UBAP1L: variants seen among roughly 807,000 people sequenced by gnomAD.
UBAP1L encodes the protein ubiquitin associated protein 1 like.
Under a neutral mutation model 32.1 loss-of-function variants are expected in UBAP1L, and 32 were observed. The ratio of observed to expected loss-of-function variants is 1.00; its 90% CI spans 0.75 to 1.34. The LOEUF (loss-of-function observed/expected upper bound fraction) is 1.34. UBAP1L is among the 40% of genes most tolerant of loss of function. UBAP1L has a pLI of 0.00. For missense variants in UBAP1L, 516 were observed against 540.5 expected (o/e 0.95, Z 0.45); for synonymous variants, 243 against 250.2 (o/e 0.97, Z 0.27).
intron 3 of UBAP1L, among the ~76,000 whole-genome samples, 160 bp downstream of exon 3, chr15:65,101,946 G>T (rs1332790944): frequency 6.6e-6 from 1 of 152,210 alleles, no homozygotes; most frequent in Admixed American, 6.5e-5. Flanking sequence ...TCAAAGGGCC[G>T]CAGGAGGACA....
chr15:65,114,132 C>A (rs957109562), intron 1 of UBAP1L, among the ~76,000 whole-genome samples: 1 of 151,802 alleles, frequency 6.6e-6, no homozygotes, highest in Admixed American at 6.6e-5. Flanking sequence ...GATCCACCTG[C>A]CTTGGGCTCG....
chr15:65,107,277 A>T (rs1247532198), intron 1 of UBAP1L, among the ~76,000 whole-genome samples: 1 of 151,598 alleles, frequency 6.6e-6, no homozygotes, highest in East Asian at 1.9e-4. Flanking sequence ...CACATCACAC[A>T]GTGGCCGAGA....
At chr15:65,093,273 G>T in intron 5 of UBAP1L, 42 bp from the exon 6 acceptor site, 1 of 1,498,584 alleles carries the variant, frequency 6.7e-7, no homozygotes, top group Admixed American at 2.4e-5. Flanking sequence ...GGCTCTGCTG[G>T]GCCTGGCCTC....
Position 65,102,764 on chromosome 15 carries a change from C to G in UBAP1L, c.121-80G>C. The G allele has an allele frequency of 5.3e-6, 7 of 1,325,734 alleles. No homozygotes were observed. The highest frequency in any genetic ancestry group is 7.1e-6 in the Non-Finnish European group (7 of 979,032). 82.1% of individuals were successfully genotyped at this position (1,325,734 alleles called of 1,614,324 possible). On this transcript the variant is annotated intron_variant, in intron 2 of 5. Transcript: ENST00000559089. The surrounding 1 kb of genome is among the most constrained non-coding windows in gnomAD (Gnocchi z 5.0). ...ACACTAACCCCTGGCCTGGGGGACCCTGTTCAGCCAGAGACTCTCTAAGCC... is the reference window on the plus strand; with the variant it reads ...ACACTAACCCCTGGCCTGGGGGACCGTGTTCAGCCAGAGACTCTCTAAGCC...
Position 65,099,544 on chromosome 15 carries a change from G to C in UBAP1L, c.870C>G (p.Ile290Met), listed in dbSNP as rs1057050336. ...GCCTCCCTGTCTTCTGCAGAGCTAT[G>C]ATGGCCCTTCGCAGGGGATATCCCA... is the stretch of plus-strand genomic sequence containing the variant. ...VALGYPLRRAIIALQKTGRQS... is the reference protein window; with the variant it reads ...VALGYPLRRAMIALQKTGRQS... The change falls in exon 4 of 6, where the codon ATC (isoleucine) becomes ATG (methionine). Residue 290 changes from isoleucine (I) to methionine (M), a missense_variant. Ile to Met is a conservative substitution (Grantham distance 10, BLOSUM62 1). Coordinates refer to ENST00000559089, the MANE Select transcript of UBAP1L (RefSeq NM_001163692.2). 4.5e-6 allele frequency: 7 copies of C among 1,551,110 alleles called. No homozygotes were observed. The highest frequency in any genetic ancestry group is 6.1e-6 in the Non-Finnish European group (7 of 1,146,948).
In UBAP1L at chr15:65,099,660, T is replaced by G; in HGVS notation, c.754A>C (p.Asn252His). The G allele has an allele frequency of 6.4e-7, 1 of 1,551,458 alleles. No homozygotes were observed. Among genetic ancestry groups the G allele is most frequent in the Non-Finnish European group, 8.7e-7 (1 of 1,146,890 alleles). Residue 252 changes from asparagine to histidine, a missense_variant, in exon 4 of 6, where the codon AAC becomes CAC. Transcript: ENST00000559089. ...GTATCAGGGTGTGACTTGTGGGGGT[T>G]GAGAGGTTGGGGTGCCCCCCCAAGA... Reference protein sequence around the residue: ...PPLGGAPQPLNPHKSHPDTAA... With the variant: ...PPLGGAPQPLHPHKSHPDTAA...
intron 1 of UBAP1L, among the ~76,000 whole-genome samples, chr15:65,108,337 A>G (rs1367695717): frequency 1.3e-5 from 2 of 152,190 alleles, no homozygotes; most frequent in African/African-American, 4.8e-5. Flanking sequence ...CCTAAAAATC[A>G]ATTCCAGGTG....
chr15:65,100,907 C>G (rs2087232902), intron 3 of UBAP1L: 1 of 152,280 alleles, frequency 6.6e-6, no homozygotes, highest in African/African-American at 2.4e-5. Context: ...CTGTCCCACC[C>G]CCACAGGGTT....
chr15:65,109,700 G>A (rs531161491), intron 1 of UBAP1L, among the ~76,000 whole-genome samples: 1 of 152,202 alleles, frequency 6.6e-6, no homozygotes, highest in South Asian at 2.1e-4. Flanking sequence ...TATCCAAATA[G>A]CCAATATGAT....
intron 4 of UBAP1L, chr15:65,099,288 C>G (rs936818293): frequency 3.5e-6 from 2 of 566,482 alleles, no homozygotes; most frequent in Non-Finnish European, 6.3e-6. Flanking sequence ...TCAGGTCACC[C>G]CCTTCCCACA....
rs2087138201 is a variant in UBAP1L, at chr15:65,093,244, A to G, written c.1012-13T>C. 1 of 1,537,700 alleles carries G rather than the reference A, an allele frequency of 6.5e-7. No homozygotes were observed. The highest frequency in any genetic ancestry group is 8.8e-7 in the Non-Finnish European group (1 of 1,142,124). On this transcript the variant is annotated splice_polypyrimidine_tract_variant and intron_variant, in intron 5 of 5. Transcript: ENST00000559089. ...GGAACTCCCCTGCCTGAGGAAGAGG[A>G]GACAGGGAGGGTGCTGGGGGCTCTG...
At position 65,099,520 on chromosome 15, in the gene UBAP1L, C is replaced by A. The variant is rs1458850821; in HGVS notation, c.894G>T (p.Arg298Ser). The A allele has an allele frequency of 6.5e-7, 1 of 1,550,350 alleles. No individual in the cohort carries two copies. Among genetic ancestry groups the A allele is most frequent in the Non-Finnish European group, 8.7e-7 (1 of 1,146,846 alleles). ...CCCAACTCACCTGGCTCAGGCTCTG[C>A]CTCCCTGTCTTCTGCAGAGCTATGA... is the stretch of plus-strand genomic sequence containing the variant. ...RAIIALQKTG[R>S]QSLSQFLSYL... Residue 298 changes from arginine to serine, a missense_variant, in exon 4 of 6, where the codon AGG becomes AGT. By Grantham distance (110) the Arg-to-Ser change is moderately radical. Coordinates refer to ENST00000559089, the MANE Select transcript of UBAP1L (RefSeq NM_001163692.2).
chr15:65,101,832 G>A (rs1335364385), intron 3 of UBAP1L, among the ~76,000 whole-genome samples: 1 of 152,120 alleles, frequency 6.6e-6, no homozygotes, highest in African/African-American at 2.4e-5. Context: ...GACAGGTCCT[G>A]GATAATTAAA....
chr15:65,094,619 C>A lies in UBAP1L; in HGVS notation c.910-43G>T. ...AGAGAGGGAGGGAGGGTAAGAGGAG[C>A]AGCCGGGGCAGCAGACAGGGCAGAG... On this transcript the variant is annotated intron_variant, in intron 4 of 5. Coordinates refer to ENST00000559089, the MANE Select transcript of UBAP1L (RefSeq NM_001163692.2). This position sits in a 1 kb window ranked among gnomAD's most constrained non-coding sequence, Gnocchi z 4.2. The A allele has an allele frequency of 7.0e-7, 1 of 1,432,232 alleles. No individual in the cohort carries two copies. Among genetic ancestry groups the A allele is most frequent in the Non-Finnish European group, 9.6e-7 (1 of 1,040,828 alleles). 88.7% of individuals were successfully genotyped at this position (1,432,232 alleles called of 1,614,324 possible).
At position 65,102,601 on chromosome 15, in the gene UBAP1L, C is replaced by T. The variant is rs1488540514; in HGVS notation, c.204G>A (p.Pro68=). The T allele has an allele frequency of 1.9e-6, 3 of 1,548,848 alleles. No homozygotes were observed. The highest frequency in any genetic ancestry group is 1.7e-4 in the Middle Eastern group (1 of 5,984). Reference sequence around the variant, plus strand: ...AGGCTGGAGGGGCTGACGCTGTCCCCGGGTCACCGCACTGGTACGGGCTGG... The same window carrying T: ...AGGCTGGAGGGGCTGACGCTGTCCCTGGGTCACCGCACTGGTACGGGCTGG... The part of the protein sequence containing the change: ...QGPSPYQCGD[P]GTASAPPAWL... Residue 68 remains proline, a synonymous_variant, in exon 3 of 6, where the codon CCG becomes CCA. Transcript: ENST00000559089. This position sits in a 1 kb window ranked among gnomAD's most constrained non-coding sequence, Gnocchi z 5.0.
chr15:65,109,259 G>A (rs1212363085), intron 1 of UBAP1L, among the ~76,000 whole-genome samples: 9 of 151,508 alleles, frequency 5.9e-5, no homozygotes, highest in South Asian at 2.1e-4. Flanking sequence ...CGAGGTGGGC[G>A]GATCACAAGG....
chr15:65,108,576 T>A (rs1445150242), intron 1 of UBAP1L, among the ~76,000 whole-genome samples: 1 of 151,440 alleles, frequency 6.6e-6, no homozygotes, highest in Non-Finnish European at 1.5e-5. Flanking sequence ...AAGACCCCTA[T>A]CTCTACAAAA....
intron 1 of UBAP1L, among the ~76,000 whole-genome samples, chr15:65,108,827 A>G (rs1319212542): frequency 2.6e-5 from 4 of 151,992 alleles, no homozygotes; most frequent in Non-Finnish European, 5.9e-5. Flanking sequence ...GAGACTAACC[A>G]TGAAGGAAAA....
In UBAP1L at chr15:65,105,886, A is replaced by T. The variant is rs1466919501; in HGVS notation, c.120+210T>A. 1.9e-5 allele frequency: 14 copies of T among 718,120 alleles called. No individual in the cohort carries two copies. In the East Asian group the frequency reaches 3.3e-4, roughly 17 times the overall value. 44.5% of individuals were successfully genotyped at this position (718,120 alleles called of 1,614,324 possible). A position where few individuals can be genotyped will look rare whatever the true frequency, so the allele number is the denominator to read the frequency against. On this transcript the variant is annotated intron_variant, in intron 2 of 5. Coordinates refer to ENST00000559089, the MANE Select transcript of UBAP1L (RefSeq NM_001163692.2). The stretch of plus-strand genomic sequence containing the variant: ...GTTCACTGCAACCTCCACCTCCTGG[A>T]TTCAAACAATTCTCATGCCTCCACC...
Sources: allele counts gnomAD v4.1 joint callset (sites outside exome capture counted in the v4.1 genomes callset), GRCh38; gene constraint gnomAD v4.1.1; non-coding constraint Gnocchi (gnomAD v3.1); transcripts MANE v1.5; gene names NCBI Gene and HGNC (gene_info 2026-07-23, HGNC 2026-07-21).